Variants in MAPK4 observed in about 807,000 individuals in gnomAD.
The protein encoded by MAPK4 is Erk3-related.
A neutral mutation model predicts 47.7 loss-of-function variants in MAPK4; 22 were observed. The observed-to-expected ratio is 0.46, with a 90% CI of 0.33 to 0.66. The LOEUF is 0.66. MAPK4 is among the 30% of genes least tolerant of loss of function. The pLI is 0.02. For synonymous variants in MAPK4, 390 were observed against 365.7 expected (o/e 1.07, Z -0.76); for missense variants, 736 against 831.7 (o/e 0.88, Z 1.42).
intron 2 of MAPK4, among the ~76,000 whole-genome samples, chr18:50,701,270 C>G (rs2144382864): frequency 6.6e-6 from 1 of 151,890 alleles, no homozygotes; most frequent in South Asian, 2.1e-4. Flanking sequence ...AAACTTAACC[C>G]CAAGGCCTCT....
intron 1 of MAPK4, among the ~76,000 whole-genome samples, chr18:50,642,615 A>G (rs1213297995): frequency 6.6e-6 from 1 of 152,244 alleles, no homozygotes. Context: ...CAACCCCTGC[A>G]GGGTGTTAAC....
chr18:50,586,959 T>C (rs1437253610), intron 1 of MAPK4, among the ~76,000 whole-genome samples: 1 of 152,210 alleles, frequency 6.6e-6, no homozygotes, highest in Non-Finnish European at 1.5e-5. Flanking sequence ...GATGAATTTT[T>C]TTAAGGTTTC....
Position 50,630,075 on chromosome 18 carries a change from A to T in MAPK4, c.-870-33014A>T, listed in dbSNP as rs543467544. On this transcript the variant is annotated intron_variant, in intron 1 of 5. Transcript: ENST00000400384. ...CTGAAGGAACCTCCTGTGTTGGGAG[A>T]TGGGGGAGGGGAACGCCTAACCCAT... 5.9e-5 allele frequency among the ~76,000 whole-genome samples: 9 copies of T among 152,268 alleles called. No homozygotes were observed. In the South Asian group the frequency reaches 1.2e-3, roughly 21 times the overall value.
chr18:50,640,603 T>C (rs2042932236), intron 1 of MAPK4, among the ~76,000 whole-genome samples: 1 of 152,104 alleles, frequency 6.6e-6, no homozygotes, highest in South Asian at 2.1e-4. Flanking sequence ...GTAGCTGGGA[T>C]TACAGGTGTG....
intron 1 of MAPK4, among the ~76,000 whole-genome samples, chr18:50,580,851 A>G (rs924925873): frequency 6.6e-6 from 1 of 151,984 alleles, no homozygotes; most frequent in Non-Finnish European, 1.5e-5. Flanking sequence ...CTTCTTTTAT[A>G]CCCCTCCTTT....
intron 2 of MAPK4, chr18:50,670,309 T>G (rs1907867509): frequency 2.6e-5 from 4 of 152,144 alleles, no homozygotes; most frequent in Admixed American, 2.6e-4. Context: ...GGGCAAAGGC[T>G]CATGTGTTTT....
At chr18:50,670,592 AC>A (rs1907885163) in intron 2 of MAPK4, among the ~76,000 whole-genome samples, 2 of 152,044 alleles carry the variant, frequency 1.3e-5, no homozygotes, top group African/African-American at 4.8e-5. Context: ...CCCTGTCTCT[AC>A]TAAAAATATA....
At chr18:50,604,584 T>C (rs1028682218) in intron 1 of MAPK4, among the ~76,000 whole-genome samples, 1 of 152,218 alleles carries the variant, frequency 6.6e-6, no homozygotes, top group Non-Finnish European at 1.5e-5. Context: ...GAATAATCGA[T>C]CTGAGAAAGA....
intron 2 of MAPK4, among the ~76,000 whole-genome samples, chr18:50,693,028 G>A (rs1164259525): frequency 6.6e-6 from 1 of 152,122 alleles, no homozygotes; most frequent in Non-Finnish European, 1.5e-5. Context: ...GGCTGAGATG[G>A]GTGGATCACT....
At chr18:50,666,411 G>A (rs904416523) in intron 2 of MAPK4, among the ~76,000 whole-genome samples, 7 of 152,188 alleles carry the variant, frequency 4.6e-5, no homozygotes, top group African/African-American at 1.7e-4. Flanking sequence ...GAATCAAAAT[G>A]ATCCATGAAT....
rs117166211 is a variant in MAPK4 at position 50,630,613 on chromosome 18, C to T, written c.-870-32476C>T. Among the ~76,000 whole-genome samples, 436 of 152,360 alleles carry T rather than the reference C, an allele frequency of 2.9e-3. 6 individuals are homozygous for T. In the East Asian group the frequency reaches 0.043, roughly 15 times the overall value. On this transcript the variant is annotated intron_variant, in intron 1 of 5. Transcript: ENST00000400384. ...TCCACAATGTCATCCTCTTCGGACA[C>T]ATCCTTCAAGGTCCTAACTAAAATT...
intron 2 of MAPK4, among the ~76,000 whole-genome samples, chr18:50,692,850 C>G (rs540311349): frequency 6.6e-6 from 1 of 152,258 alleles, no homozygotes; most frequent in East Asian, 1.9e-4. Flanking sequence ...TGGTGACTGG[C>G]TTCCCAGTAG....
intron 4 of MAPK4, 51 bp from the exon 5 acceptor site, chr18:50,725,911 A>T (rs1288656082): frequency 7.0e-7 from 1 of 1,436,644 alleles, no homozygotes; most frequent in Admixed American, 1.7e-5. Flanking sequence ...TCTCCTTCTG[A>T]GCTCAACAAG....
chr18:50,627,083 C>T (rs2042785521), intron 1 of MAPK4, among the ~76,000 whole-genome samples: 1 of 135,380 alleles, frequency 7.4e-6, no homozygotes, highest in Non-Finnish European at 1.6e-5. Context: ...CACATGGCCT[C>T]CATTTCCGCT....
At chr18:50,648,099 CAGAGAGAGAGAG>C (rs146378809) in intron 1 of MAPK4, among the ~76,000 whole-genome samples, 2 of 147,092 alleles carry the variant, frequency 1.4e-5, no homozygotes, top group South Asian at 2.2e-4. Flanking sequence ...AAGAAAGACC[CAGAGAGAGAGAG>C]AGAGAGAGAG....
At chr18:50,645,476 G>T (rs964604770) in intron 1 of MAPK4, among the ~76,000 whole-genome samples, 18 of 152,200 alleles carry the variant, frequency 1.2e-4, no homozygotes, top group African/African-American at 3.1e-4. Flanking sequence ...GCATGAATGT[G>T]TGTGATTATT....
chr18:50,622,537 T>G (rs943787414), intron 1 of MAPK4, among the ~76,000 whole-genome samples: 2 of 152,198 alleles, frequency 1.3e-5, no homozygotes, highest in African/African-American at 4.8e-5. Context: ...CCACTGAGTC[T>G]GCTGACAGCC....
At chr18:50,621,966 A>C (rs1315367254) in intron 1 of MAPK4, among the ~76,000 whole-genome samples, 1 of 152,238 alleles carries the variant, frequency 6.6e-6, no homozygotes, top group Non-Finnish European at 1.5e-5. Context: ...GACATTTGTA[A>C]GTCTCTGCCA....
At chr18:50,671,624 G>T (rs1395227147) in intron 2 of MAPK4, among the ~76,000 whole-genome samples, 2 of 147,214 alleles carry the variant, frequency 1.4e-5, no homozygotes, top group Non-Finnish European at 3.0e-5. Flanking sequence ...AGATGCAGTG[G>T]CTCATGCCTA....
Sources: allele counts gnomAD v4.1 joint callset (sites outside exome capture counted in the v4.1 genomes callset), GRCh38; gene constraint gnomAD v4.1.1; transcripts MANE v1.5; gene names NCBI Gene and HGNC (gene_info 2026-07-23, HGNC 2026-07-21).